STPG2: variants seen among roughly 807,000 people sequenced by gnomAD.
The protein encoded by STPG2 is sperm-tail PG-rich repeat-containing protein 2.
In STPG2, 56 loss-of-function variants were observed where a neutral mutation model predicts 54.2. The ratio of observed to expected loss-of-function variants is 1.03; its 90% CI spans 0.83 to 1.29. The LOEUF is 1.29. Ranked by LOEUF, STPG2 falls within the 50% of genes most tolerant of loss-of-function variation. The pLI, the probability that STPG2 is intolerant of heterozygous loss-of-function variation, is 0.00. For synonymous variants in STPG2, 200 were observed against 181.8 expected, an observed-to-expected ratio of 1.10 and a Z score of -0.81; for missense variants, 596 against 544.9, an observed-to-expected ratio of 1.09 and a Z score of -0.93.
intron 10 of STPG2, among the ~76,000 whole-genome samples, chr4:97,575,493 C>T (rs958647093): frequency 2.0e-5 from 3 of 151,968 alleles, no homozygotes; most frequent in African/African-American, 7.2e-5. Flanking sequence ...ATGTGATTCA[C>T]CACACAAACA....
rs1039469367 is a variant in STPG2, at chr4:97,471,130, A to C, written c.462+241569T>G. Among the ~76,000 whole-genome samples the C allele has an allele frequency of 2.6e-5, 4 of 152,178 alleles. No homozygotes were observed. In the South Asian group the frequency reaches 8.3e-4, roughly 32 times the overall value. On this transcript the variant is annotated intron_variant, in intron 4 of 4. Transcript: ENST00000522676. The stretch of plus-strand genomic sequence containing the variant: ...CCTGAGATTTCATCACATTACTCAG[A>C]ATGGCAATTTAAAACTTACTAATTA...
intron 10 of STPG2, among the ~76,000 whole-genome samples, chr4:97,634,427 G>C (rs1349949133): frequency 1.3e-5 from 2 of 152,172 alleles, no homozygotes. Context: ...CTAAAAATCA[G>C]AGCTCCTCTC....
chr4:98,045,300 T>G (rs1362686848), intron 5 of STPG2, among the ~76,000 whole-genome samples: 1 of 152,154 alleles, frequency 6.6e-6, no homozygotes, highest in African/African-American at 2.4e-5. Flanking sequence ...TTGATTTATG[T>G]CAGAATCTTG....
At chr4:97,845,995 G>A (rs1728938237) in intron 8 of STPG2, among the ~76,000 whole-genome samples, 1 of 152,174 alleles carries the variant, frequency 6.6e-6, no homozygotes, top group Non-Finnish European at 1.5e-5. Flanking sequence ...AAGGCTGAGA[G>A]AAGGCAGCCT....
At chr4:97,997,614 G>A (rs568105646) in intron 5 of STPG2, among the ~76,000 whole-genome samples, 7 of 152,154 alleles carry the variant, frequency 4.6e-5, no homozygotes, top group Middle Eastern at 3.4e-3. Context: ...AATGCATATC[G>A]AAACTATGTC....
intron 4 of STPG2, among the ~76,000 whole-genome samples, chr4:97,518,293 A>C (rs949265978): frequency 6.6e-6 from 1 of 152,140 alleles, no homozygotes; most frequent in African/African-American, 2.4e-5. Context: ...TGAATAATTA[A>C]GAAACTATAA....
chr4:97,938,024 C>A (rs1450652180), intron 8 of STPG2, among the ~76,000 whole-genome samples: 1 of 152,172 alleles, frequency 6.6e-6, no homozygotes, highest in Admixed American at 6.5e-5. Flanking sequence ...ACCATGGCCA[C>A]CCCTTCCCCT....
At chr4:97,914,597 T>C (rs1409401114) in intron 8 of STPG2, among the ~76,000 whole-genome samples, 1 of 152,060 alleles carries the variant, frequency 6.6e-6, no homozygotes, top group Non-Finnish European at 1.5e-5. Context: ...CTCCATTCTC[T>C]CCTCCCCACT....
At chr4:97,532,242 C>T (rs972312824) in intron 4 of STPG2, among the ~76,000 whole-genome samples, 6 of 151,782 alleles carry the variant, frequency 4.0e-5, no homozygotes, top group Non-Finnish European at 8.8e-5. Flanking sequence ...TTTCATAGTT[C>T]AATATATGTT....
chr4:97,742,189 G>A (rs1725265295), intron 9 of STPG2, among the ~76,000 whole-genome samples: 1 of 151,938 alleles, frequency 6.6e-6, no homozygotes, highest in Admixed American at 6.6e-5. Context: ...ACAGGAAGGA[G>A]AACATCACAC....
intron 8 of STPG2, among the ~76,000 whole-genome samples, chr4:97,882,899 CACA>C (rs1446419577): frequency 6.6e-6 from 1 of 152,036 alleles, no homozygotes; most frequent in East Asian, 1.9e-4. Context: ...TACTCTGCTA[CACA>C]ACATGTCTAG....
intron 8 of STPG2, chr4:97,893,312 T>C: frequency 6.6e-6 from 1 of 152,080 alleles, no homozygotes; most frequent in East Asian, 1.9e-4. Flanking sequence ...AAAATGATAT[T>C]TTTGGACTGA....
At chr4:97,576,248 T>C (rs1313985660) in intron 10 of STPG2, among the ~76,000 whole-genome samples, 1 of 149,030 alleles carries the variant, frequency 6.7e-6, no homozygotes, top group East Asian at 2.0e-4. Flanking sequence ...TTTCACGGAA[T>C]TAGAAAAAAA....
chr4:97,799,587 C>T (rs1254014530), intron 9 of STPG2, among the ~76,000 whole-genome samples: 1 of 152,154 alleles, frequency 6.6e-6, no homozygotes, highest in African/African-American at 2.4e-5. Flanking sequence ...TGTGGGTAAC[C>T]CGACCTTTCT....
intron 10 of STPG2, among the ~76,000 whole-genome samples, chr4:97,588,552 T>C (rs750885163): frequency 1.5e-4 from 23 of 152,012 alleles, no homozygotes; most frequent in Admixed American, 2.6e-4. Context: ...ACCAATCCAA[T>C]TGGCAAATTT....
rs1307596549 is a variant in STPG2 at position 98,143,028 on chromosome 4, T to G, written c.109+14A>C. On this transcript the variant is annotated intron_variant, in intron 1 of 10. Coordinates refer to ENST00000295268, the MANE Select transcript of STPG2 (RefSeq NM_174952.3). ...ATGCCTGTCACAGGAGCTCTGCCTC[T>G]TCCTACATCTTACCTGTCGCCTGCT... 1 of 1,603,610 alleles carries G rather than the reference T, an allele frequency of 6.2e-7. No homozygotes were observed. Among genetic ancestry groups the G allele is most frequent in the Non-Finnish European group, 8.5e-7 (1 of 1,173,420 alleles).
chr4:97,829,949 T>C (rs1728397880), intron 9 of STPG2, among the ~76,000 whole-genome samples: 1 of 152,158 alleles, frequency 6.6e-6, no homozygotes, highest in African/African-American at 2.4e-5. Context: ...GAAAACACTC[T>C]TCAGGATATT....
intron 9 of STPG2, among the ~76,000 whole-genome samples, chr4:97,835,530 G>A (rs558191483): frequency 6.6e-6 from 1 of 152,172 alleles, no homozygotes; most frequent in South Asian, 2.1e-4. Context: ...TGTCACCCAA[G>A]AGCTCTGATG....
intron 8 of STPG2, among the ~76,000 whole-genome samples, chr4:97,925,551 A>G (rs1261388375): frequency 6.6e-6 from 1 of 152,184 alleles, no homozygotes; most frequent in Non-Finnish European, 1.5e-5. Context: ...GTCTCCCATC[A>G]GTGGTTAGTT....
Sources: gnomAD v4.1 joint callset for allele counts (sites outside exome capture counted in the v4.1 genomes callset) on GRCh38, gnomAD v4.1.1 for gene constraint, MANE v1.5 for transcripts, NCBI Gene and HGNC (gene_info 2026-07-23, HGNC 2026-07-21) for gene names.